RANBP17: variants seen among roughly 807,000 people sequenced by gnomAD.
RANBP17 encodes the protein RAN binding protein 17.
In RANBP17, 158 loss-of-function variants were observed where a neutral mutation model predicts 141.2. The observed-to-expected ratio is 1.12, with a 90% CI of 0.98 to 1.28. The LOEUF (loss-of-function observed/expected upper bound fraction) is 1.28. Among genes scored for constraint, RANBP17 ranks in the 50% most tolerant of loss-of-function variants. The pLI is 0.00. For missense variants in RANBP17, 1,438 were observed against 1,290.7 expected, an observed-to-expected ratio of 1.11 and a Z score of -1.75; for synonymous variants, 430 against 450.0, an observed-to-expected ratio of 0.96 and a Z score of 0.56.
chr5:171,112,238 G>A (rs1052900170), intron 14 of RANBP17, among the ~76,000 whole-genome samples: 1 of 152,016 alleles, frequency 6.6e-6, no homozygotes, highest in African/African-American at 2.4e-5. Flanking sequence ...TTGCTTGTGG[G>A]CATAGAGTTA....
intron 14 of RANBP17, among the ~76,000 whole-genome samples, chr5:171,025,135 G>A (rs1781144863): frequency 6.6e-6 from 1 of 152,038 alleles, no homozygotes; most frequent in Non-Finnish European, 1.5e-5. Flanking sequence ...AGTTCTTTCT[G>A]TGCTTCTATA....
intron 6 of RANBP17, chr5:170,910,417 G>A (rs1771435493): frequency 6.6e-6 from 1 of 152,552 alleles, no homozygotes; most frequent in Admixed American, 6.5e-5. Context: ...CACTATGTCA[G>A]ACCCAAAGAC....
At chr5:170,898,490 G>C (rs1168832825) in intron 5 of RANBP17, among the ~76,000 whole-genome samples, 2 of 152,116 alleles carry the variant, frequency 1.3e-5, no homozygotes, top group African/African-American at 4.8e-5. Flanking sequence ...TGTTCACTCT[G>C]ATGATAGTTT....
At chr5:171,278,754 G>T (rs1030391558) in intron 25 of RANBP17, among the ~76,000 whole-genome samples, 1 of 152,162 alleles carries the variant, frequency 6.6e-6, no homozygotes, top group Non-Finnish European at 1.5e-5. Context: ...AGACTTAACT[G>T]CACTGCCTTG....
rs559073989 is a variant in RANBP17, at chr5:170,897,986, C to G, written c.489+1871C>G. Reference sequence around the variant, plus strand: ...TCTAGATCCTTGAGGAATTGCCACACTGTCTTCCGTAATGGTTAAACTAAT... The same window carrying G: ...TCTAGATCCTTGAGGAATTGCCACAGTGTCTTCCGTAATGGTTAAACTAAT... On this transcript the variant is annotated intron_variant, in intron 5 of 27. Coordinates refer to ENST00000523189, the MANE Select transcript of RANBP17 (RefSeq NM_022897.5). Among the ~76,000 whole-genome samples the G allele has an allele frequency of 1.3e-5, 2 of 152,232 alleles. 1 individual carries two copies. Among genetic ancestry groups the G allele is most frequent in the Non-Finnish European group, 2.9e-5 (2 of 68,042 alleles).
intron 25 of RANBP17, among the ~76,000 whole-genome samples, chr5:171,279,512 T>C (rs1251341587): frequency 6.6e-6 from 1 of 152,122 alleles, no homozygotes; most frequent in Non-Finnish European, 1.5e-5. Flanking sequence ...ATGGCATTAA[T>C]CCAAGCATGA....
intron 12 of RANBP17, among the ~76,000 whole-genome samples, chr5:170,934,515 C>G (rs1183629086): frequency 1.3e-5 from 2 of 152,162 alleles, no homozygotes; most frequent in African/African-American, 4.8e-5. Context: ...GACAAAATCT[C>G]TCAGCTTTTG....
At chr5:170,982,305 G>A in intron 14 of RANBP17, among the ~76,000 whole-genome samples, 1 of 152,156 alleles carries the variant, frequency 6.6e-6, no homozygotes, top group East Asian at 1.9e-4. Flanking sequence ...GAGAAGCCCT[G>A]TTGTGAACAT....
chr5:171,082,925 G>A (rs1785350623), intron 14 of RANBP17, among the ~76,000 whole-genome samples: 1 of 149,952 alleles, frequency 6.7e-6, no homozygotes, highest in African/African-American at 2.4e-5. Context: ...TTTACTTCTT[G>A]TTTCAAGGAA....
At chr5:170,890,031 G>C (rs1224450191) in intron 3 of RANBP17, among the ~76,000 whole-genome samples, 1 of 152,004 alleles carries the variant, frequency 6.6e-6, no homozygotes, top group East Asian at 1.9e-4. Flanking sequence ...TTAGCCCTAG[G>C]TACCTTTGTT....
intron 13 of RANBP17, among the ~76,000 whole-genome samples, chr5:170,960,167 G>A (rs549237192): frequency 2.6e-5 from 4 of 152,278 alleles, no homozygotes; most frequent in Admixed American, 1.3e-4. Flanking sequence ...CCTCTGTGTA[G>A]CAAAACCTTA....
chr5:171,083,982 TTAAG>T (rs1232217190), intron 14 of RANBP17, among the ~76,000 whole-genome samples: 1 of 150,650 alleles, frequency 6.6e-6, no homozygotes, highest in Non-Finnish European at 1.5e-5. Flanking sequence ...TAATTATACT[TTAAG>T]TTTTAGGGTA....
chr5:171,171,068 T>C (rs1323597076), intron 15 of RANBP17, 138 bp from the exon 16 acceptor site: 11 of 539,738 alleles, frequency 2.0e-5, no homozygotes, highest in South Asian at 5.7e-5. Flanking sequence ...GAATAGACAA[T>C]GTTTTTGAGC....
chr5:171,144,717 A>C (rs1448288261), intron 14 of RANBP17, among the ~76,000 whole-genome samples: 1 of 152,178 alleles, frequency 6.6e-6, no homozygotes, highest in African/African-American at 2.4e-5. Flanking sequence ...GTGTTTGACT[A>C]TCTGTGAAAT....
At position 170,892,385 on chromosome 5, in the gene RANBP17, A is replaced by G; in HGVS notation, c.257-2A>G. On this transcript the variant is annotated splice_acceptor_variant, in intron 3 of 27. Transcript: ENST00000523189. LOFTEE classifies it high-confidence loss of function. ...ATGACCCATGGAGTGTTTTCTTTGT[A>G]GGAAACTACATTCTGAATTACGTGG... The G allele has an allele frequency of 7.0e-7, 1 of 1,436,220 alleles. No individual in the cohort carries two copies. 89.0% of individuals were successfully genotyped at this position (1,436,220 alleles called of 1,614,324 possible).
intron 24 of RANBP17, among the ~76,000 whole-genome samples, chr5:171,250,508 G>T (rs79276787): frequency 0.01 from 1,548 of 152,056 alleles, 24 homozygotes; most frequent in African/African-American, 0.036. Flanking sequence ...GAACATAAAT[G>T]GATTTAAATT....
At chr5:171,123,724 C>T (rs188765701) in intron 14 of RANBP17, among the ~76,000 whole-genome samples, 2 of 152,326 alleles carry the variant, frequency 1.3e-5, no homozygotes, top group East Asian at 1.9e-4. Flanking sequence ...CCACAGCCTC[C>T]GCTAACAACT....
intron 14 of RANBP17, among the ~76,000 whole-genome samples, chr5:171,048,867 T>C (rs1163014217): frequency 6.6e-6 from 1 of 152,202 alleles, no homozygotes; most frequent in Non-Finnish European, 1.5e-5. Flanking sequence ...CATTTTTTTA[T>C]CCAGTCTACC....
At chr5:171,270,457 A>C (rs1205507364) in intron 25 of RANBP17, among the ~76,000 whole-genome samples, 1 of 152,174 alleles carries the variant, frequency 6.6e-6, no homozygotes, top group Non-Finnish European at 1.5e-5. Flanking sequence ...ATAAACTAAA[A>C]ATTTAAGGAG....
Sources: gnomAD v4.1 joint callset for allele counts (sites outside exome capture counted in the v4.1 genomes callset) on GRCh38, gnomAD v4.1.1 for gene constraint, MANE v1.5 for transcripts, NCBI Gene and HGNC (gene_info 2026-07-23, HGNC 2026-07-21) for gene names.